The following XCR1 variants were observed in gnomAD, a reference collection of about 807,000 sequenced individuals.
XCR1 encodes chemokine XC receptor 1.
For missense variants in XCR1, 356 were observed against 424.2 expected (o/e 0.84, Z 1.41); for synonymous variants, 187 against 188.5 (o/e 0.99, Z 0.06).
chr3:46,042,648 C>T (rs1234253476), intron 5 of XCR1, among the ~76,000 whole-genome samples: 1 of 152,112 alleles, frequency 6.6e-6, no homozygotes, highest in Non-Finnish European at 1.5e-5. Flanking sequence ...CTGAATGGAC[C>T]TATAACAAGA....
intron 4 of XCR1, among the ~76,000 whole-genome samples, chr3:46,065,616 G>A (rs1220359264): frequency 2.0e-5 from 3 of 152,120 alleles, no homozygotes; most frequent in Admixed American, 6.6e-5. Flanking sequence ...CCACTTACAC[G>A]GCATCACCAA....
chr3:46,040,677 C>G (rs1000431280), intron 5 of XCR1, among the ~76,000 whole-genome samples: 3 of 140,408 alleles, frequency 2.1e-5, no homozygotes, highest in African/African-American at 9.0e-5. Flanking sequence ...GTGTCTTTGG[C>G]TATGGCTCCT....
intron 1 of XCR1, among the ~76,000 whole-genome samples, chr3:46,024,702 C>A (rs531587210): frequency 6.6e-6 from 1 of 152,074 alleles, no homozygotes; most frequent in African/African-American, 2.4e-5. Context: ...AAGATATACA[C>A]CTTAATTGTT....
chr3:46,065,644 C>T (rs1259258664), intron 4 of XCR1, among the ~76,000 whole-genome samples: 5 of 152,192 alleles, frequency 3.3e-5, no homozygotes, highest in African/African-American at 1.2e-4. Context: ...TGGGGAAATG[C>T]AGGTGGTGGC....
At chr3:46,071,780 C>A (rs1220116070) in intron 3 of XCR1, among the ~76,000 whole-genome samples, 1 of 152,070 alleles carries the variant, frequency 6.6e-6, no homozygotes, top group Admixed American at 6.5e-5. Context: ...TAAAAACACT[C>A]AACAAACTAG....
chr3:46,053,954 G>T (rs1697801063), exon 5 of XCR1, among the ~76,000 whole-genome samples: 1 of 151,768 alleles, frequency 6.6e-6, no homozygotes, highest in South Asian at 2.1e-4. Flanking sequence ...ACTCATCCCG[G>T]GCTCCCTGTT....
At chr3:46,082,985 T>C (rs1381322386) in intron 1 of XCR1, among the ~76,000 whole-genome samples, 1 of 152,228 alleles carries the variant, frequency 6.6e-6, no homozygotes, top group Non-Finnish European at 1.5e-5. Flanking sequence ...GTGTTCATGA[T>C]AGCACTTGTA....
chr3:46,059,826 C>A (rs1037306271), intron 4 of XCR1, among the ~76,000 whole-genome samples: 1 of 152,192 alleles, frequency 6.6e-6, no homozygotes, highest in Non-Finnish European at 1.5e-5. Flanking sequence ...CTACAGCTAT[C>A]GTCTATATTT....
intron 4 of XCR1, among the ~76,000 whole-genome samples, chr3:46,054,895 G>A (rs898415926): frequency 6.6e-6 from 1 of 152,224 alleles, no homozygotes; most frequent in South Asian, 2.1e-4. Flanking sequence ...CACAGACACG[G>A]ATGATCAGTC....
At position 46,074,617 on chromosome 3, in the gene XCR1, T is replaced by G. The variant is rs577780706; in HGVS notation, c.-263+34A>C. Among the ~76,000 whole-genome samples the G allele has an allele frequency of 9.2e-5, 14 of 152,086 alleles. No homozygotes were observed. The East Asian group carries it at 2.7e-3, about 29-fold the overall frequency. On this transcript the variant is annotated intron_variant, in intron 3 of 5. Transcript: ENST00000683768. ...AATTGTACCACTTAAATTTATATTT[T>G]AAAAAAAATCATAAGGAAGAAAAAT...
rs944363726 is a variant in XCR1, at chr3:46,018,838, G to C, written c.*2108C>G. Reference sequence around the variant, plus strand: ...AATAACAAGATATTGAGTGTCTTCTGTGTGCAAATCCCTGCTCAAGGGACT... The same window carrying C: ...AATAACAAGATATTGAGTGTCTTCTCTGTGCAAATCCCTGCTCAAGGGACT... On this transcript the variant is annotated 3_prime_UTR_variant, in exon 2 of 2. Coordinates refer to ENST00000309285, the MANE Select transcript of XCR1 (RefSeq NM_001024644.2). The C allele has an allele frequency of 6.6e-6, 1 of 152,178 alleles. No homozygotes were observed. The allele number at this position is 152,178 out of a possible 1,614,324, so 9.4% of individuals were successfully genotyped here. A position where few individuals can be genotyped will look rare whatever the true frequency, so the allele number is the denominator to read the frequency against.
chr3:46,064,830 G>A (rs1257049094), intron 4 of XCR1, among the ~76,000 whole-genome samples: 2 of 152,168 alleles, frequency 1.3e-5, no homozygotes, highest in Non-Finnish European at 2.9e-5. Context: ...AGTGGCTCAC[G>A]CCTGTAATCC....
chr3:46,033,910 A>T (rs1697365714), intron 5 of XCR1, among the ~76,000 whole-genome samples: 1 of 151,890 alleles, frequency 6.6e-6, no homozygotes, highest in South Asian at 2.1e-4. Context: ...GGCATTTAAA[A>T]TTTTTTGGTG....
At chr3:46,081,302 CTG>C (rs1304167483) in intron 1 of XCR1, among the ~76,000 whole-genome samples, 1 of 152,160 alleles carries the variant, frequency 6.6e-6, no homozygotes, top group Non-Finnish European at 1.5e-5. Context: ...TGGCCAAAGG[CTG>C]TCTCATTAGT....
upstream of XCR1, among the ~76,000 whole-genome samples, chr3:46,031,458 C>G (rs994387628): frequency 6.6e-6 from 1 of 152,218 alleles, no homozygotes; most frequent in Non-Finnish European, 1.5e-5. Context: ...TAGGCCCTGT[C>G]ACCTTGGCCC....
At chr3:46,064,096 C>T (rs1174532154) in intron 4 of XCR1, among the ~76,000 whole-genome samples, 1 of 152,202 alleles carries the variant, frequency 6.6e-6, no homozygotes, top group Non-Finnish European at 1.5e-5. Flanking sequence ...TGGTCTCAAA[C>T]TCCTGGCCTC....
intron 5 of XCR1, among the ~76,000 whole-genome samples, chr3:46,034,579 A>G (rs1433800629): frequency 6.6e-6 from 1 of 152,144 alleles, no homozygotes; most frequent in African/African-American, 2.4e-5. Flanking sequence ...TAAGAATGTT[A>G]GGTTTAGGTT....
chr3:46,039,831 A>C (rs1296247708), intron 5 of XCR1, among the ~76,000 whole-genome samples: 1 of 152,202 alleles, frequency 6.6e-6, no homozygotes, highest in Non-Finnish European at 1.5e-5. Context: ...TAAATTAAAC[A>C]ATATCAAAAT....
intron 4 of XCR1, among the ~76,000 whole-genome samples, chr3:46,058,136 G>A (rs574188769): frequency 1.3e-5 from 2 of 152,126 alleles, no homozygotes; most frequent in South Asian, 2.1e-4. Flanking sequence ...TGCCTCTCTC[G>A]TATGATTCAA....
Sources: gnomAD v4.1 joint callset for allele counts (sites outside exome capture counted in the v4.1 genomes callset) on GRCh38, gnomAD v4.1.1 for gene constraint, MANE v1.5 for transcripts, NCBI Gene and HGNC (gene_info 2026-07-23, HGNC 2026-07-21) for gene names.